Variants in SGIP1 observed in about 807,000 individuals in gnomAD.
The protein encoded by SGIP1 is SH3GL interacting endocytic adaptor 1.
SGIP1 carries 38 observed loss-of-function variants against 107.5 expected under a neutral mutation model. The ratio of observed to expected loss-of-function variants is 0.35; its 90% confidence interval spans 0.27 to 0.46. SGIP1 has a LOEUF of 0.46. SGIP1 is among the 20% of genes least tolerant of loss of function. The pLI is 1.00. For synonymous variants in SGIP1, 365 were observed against 366.1 expected, an observed-to-expected ratio of 1.00 and a Z score of 0.03; for missense variants, 929 against 1,019.5, an observed-to-expected ratio of 0.91 and a Z score of 1.21.
At chr1:66,550,827 G>A (rs1007615864) in intron 1 of SGIP1, among the ~76,000 whole-genome samples, 2 of 152,096 alleles carry the variant, frequency 1.3e-5, no homozygotes, top group Non-Finnish European at 2.9e-5. Flanking sequence ...CTCATCTGAC[G>A]AGATCAGGCA....
Position 66,671,932 on chromosome 1 carries a change from C to A in SGIP1, c.509-12C>A, listed in dbSNP as rs759374885. 3 of 1,613,656 alleles carry A rather than the reference C, an allele frequency of 1.9e-6. No individual in the cohort carries two copies. Among genetic ancestry groups the A allele is most frequent in the African/African-American group, 1.3e-5 (1 of 74,912 alleles). On this transcript the variant is annotated splice_polypyrimidine_tract_variant and intron_variant, in intron 10 of 24. Transcript: ENST00000371037. ...AAATTTGTCTAAAAAGTTCCTTTGT[C>A]CTGTGCATCAGGTGAAGAAGTGGCA... is the stretch of plus-strand genomic sequence containing the variant.
rs1557497348 is a variant in SGIP1, at chr1:66,659,999, AC to A, written c.460-513del. 603 of 61,226 alleles carry A rather than the reference AC, an allele frequency of 9.8e-3. 19 individuals carry two copies. The highest frequency in any genetic ancestry group is 0.025 in the African/African-American group (202 of 8,104). The allele number at this position is 61,226 out of a possible 1,614,324, so 3.8% of individuals were successfully genotyped here. On this transcript the variant is annotated intron_variant, in intron 7 of 24. Transcript: ENST00000371037. ...GAAAGAAAGAAAGAAAGAAAGAAAGACAGACAGACAGACAGACAGGAAGGAA... is the reference window on the plus strand; with the variant it reads ...GAAAGAAAGAAAGAAAGAAAGAAAGAAGACAGACAGACAGACAGGAAGGAA...
chr1:66,682,820 T>C (rs1571768466), intron 15 of SGIP1, among the ~76,000 whole-genome samples: 2 of 84,902 alleles, frequency 2.4e-5, no homozygotes, highest in African/African-American at 5.8e-5. Context: ...GGTGGGCTTC[T>C]TTTTTTTTTC....
rs2077546456 is a variant in SGIP1, at chr1:66,645,795, C to A, written c.459+2076C>A. ...TTGGCTTTAGAATCTTTGCCCTCTC[C>A]TTGATAACCCGTGTGTAAATATAGA... is the stretch of plus-strand genomic sequence containing the variant. On this transcript the variant is annotated intron_variant, in intron 7 of 24. Transcript: ENST00000371037. Among the ~76,000 whole-genome samples, 3 of 152,140 alleles carry A rather than the reference C, an allele frequency of 2.0e-5. No homozygotes were observed. In the South Asian group the frequency reaches 6.2e-4, roughly 32 times the overall value.
At chr1:66,661,249 G>A (rs1448403460) in intron 8 of SGIP1, among the ~76,000 whole-genome samples, 1 of 152,166 alleles carries the variant, frequency 6.6e-6, no homozygotes, top group Non-Finnish European at 1.5e-5. Flanking sequence ...GCTGATGCAT[G>A]GCTGACAGAG....
At chr1:66,689,060 A>G (rs1571861248) in intron 15 of SGIP1, 88 bp from the exon 16 acceptor site, 1 of 1,452,936 alleles carries the variant, frequency 6.9e-7, no homozygotes. Context: ...AAAAAAAAAA[A>G]AAAATGTCCG....
At chr1:66,735,026 C>T (rs537508138) in intron 21 of SGIP1, among the ~76,000 whole-genome samples, 1 of 151,902 alleles carries the variant, frequency 6.6e-6, no homozygotes. Context: ...CAGTCACCAC[C>T]TTATGCAATC....
chr1:66,616,149 A>C (rs1422116517), intron 1 of SGIP1: 1 of 152,212 alleles, frequency 6.6e-6, no homozygotes, highest in Non-Finnish European at 1.5e-5. Flanking sequence ...CTTATATTTT[A>C]TGATAGATGT....
intron 1 of SGIP1, among the ~76,000 whole-genome samples, chr1:66,585,867 C>G (rs1163099798): frequency 1.3e-5 from 2 of 152,048 alleles, no homozygotes; most frequent in African/African-American, 4.8e-5. Flanking sequence ...TAGAGAAATT[C>G]CAAGTTTAAT....
intron 1 of SGIP1, among the ~76,000 whole-genome samples, chr1:66,607,607 G>A (rs983976792): frequency 5.3e-5 from 8 of 152,198 alleles, no homozygotes; most frequent in Admixed American, 5.2e-4. Context: ...CCTCTGGCTG[G>A]ATATATTCTG....
chr1:66,690,623 A>T (rs2089609138), intron 17 of SGIP1: 1 of 213,194 alleles, frequency 4.7e-6, no homozygotes, highest in Admixed American at 5.8e-5. Context: ...TTTAGATATT[A>T]TTTCTTAAAA....
At chr1:66,574,828 A>G (rs2148655147) in intron 1 of SGIP1, among the ~76,000 whole-genome samples, 1 of 151,642 alleles carries the variant, frequency 6.6e-6, no homozygotes, top group East Asian at 1.9e-4. Flanking sequence ...ATATGTGTGT[A>G]TATAGTTGAT....
intron 1 of SGIP1, among the ~76,000 whole-genome samples, chr1:66,561,474 C>T (rs956846265): frequency 4.6e-5 from 7 of 151,902 alleles, no homozygotes; most frequent in Non-Finnish European, 8.8e-5. Flanking sequence ...GATTGTGATC[C>T]ATAGAACATA....
chr1:66,608,403 T>C (rs535076171), intron 1 of SGIP1, among the ~76,000 whole-genome samples: 8 of 152,248 alleles, frequency 5.3e-5, no homozygotes, highest in Non-Finnish European at 1.0e-4. Flanking sequence ...TGCTAATACA[T>C]TTCTTAAGCA....
chr1:66,644,588 G>A (rs1571159220), intron 7 of SGIP1, among the ~76,000 whole-genome samples: 1 of 152,060 alleles, frequency 6.6e-6, no homozygotes, highest in Admixed American at 6.6e-5. Flanking sequence ...CATTCCCCCT[G>A]AACAGAGCAG....
At chr1:66,576,624 C>A (rs2061104934) in intron 1 of SGIP1, among the ~76,000 whole-genome samples, 1 of 152,100 alleles carries the variant, frequency 6.6e-6, no homozygotes, top group African/African-American at 2.4e-5. Flanking sequence ...CAAATCAACC[C>A]CTTCTATATT....
At chr1:66,612,535 A>G (rs529025552) in intron 1 of SGIP1, among the ~76,000 whole-genome samples, 108 of 152,242 alleles carry the variant, frequency 7.1e-4, no homozygotes, top group Non-Finnish European at 1.2e-3. Flanking sequence ...ACAGTTTACT[A>G]TTTCTCAACT....
At position 66,743,424 on chromosome 1, in the gene SGIP1, G is replaced by A; in HGVS notation, c.*329G>A. ...ATGGATGTAATTTAAACTGTGGTAT[G>A]TAAATTTAATAGTAGTATTGTTGAA... On this transcript the variant is annotated 3_prime_UTR_variant, in exon 25 of 25. Transcript: ENST00000371037. 2 of 202,872 alleles carry A rather than the reference G, an allele frequency of 9.9e-6. No homozygotes were observed. The highest frequency in any genetic ancestry group is 1.9e-4 in the South Asian group (2 of 10,568). 12.6% of individuals were successfully genotyped at this position (202,872 alleles called of 1,614,324 possible). A position where few individuals can be genotyped will look rare whatever the true frequency, so the allele number is the denominator to read the frequency against.
chr1:66,639,698 G>C, intron 4 of SGIP1, 79 bp from the exon 5 acceptor site: 1 of 1,177,294 alleles, frequency 8.5e-7, no homozygotes, highest in South Asian at 1.3e-5. Context: ...GCTAAATGCA[G>C]ATAAGAGTTA....
Sources: allele counts gnomAD v4.1 joint callset (sites outside exome capture counted in the v4.1 genomes callset), GRCh38; gene constraint gnomAD v4.1.1; transcripts MANE v1.5; gene names NCBI Gene and HGNC (gene_info 2026-07-23, HGNC 2026-07-21).